The following NEK10 variants were observed in gnomAD, a reference collection of about 807,000 sequenced individuals.
The protein encoded by NEK10 is serine/threonine-protein kinase Nek10.
NEK10 carries 122 observed loss-of-function variants against 159.8 expected under a neutral mutation model. The observed-to-expected ratio is 0.76, with a 90% CI of 0.66 to 0.89. NEK10 has a LOEUF of 0.89. Among genes scored for constraint, NEK10 ranks in the 40% least tolerant of loss-of-function variants. The probability of loss-of-function intolerance (pLI) is 0.00; values close to 1 mark genes in which losing one functional copy is unlikely to be tolerated. For missense variants in NEK10, 1,342 were observed against 1,323.1 expected, an observed-to-expected ratio of 1.01 and a Z score of -0.22; for synonymous variants, 466 against 457.1, an observed-to-expected ratio of 1.02 and a Z score of -0.25.
rs55664725 is a variant in NEK10, at chr3:27,192,065, G to T, written c.2469C>A (p.Thr823=). Residue 823 remains threonine, a synonymous_variant, in exon 26 of 36, where the codon ACC becomes ACA. Transcript: ENST00000691995. ...CAGCCAGCTCATGGTGACATGTGAC[G>T]GTGTTCCGGTTGGCTTCCATAAAAT... ...QRYFMEANRN[T]VTCHHELAVL... The T allele has an allele frequency of 1.9e-5, 31 of 1,614,038 alleles. No homozygotes were observed. In the East Asian group the frequency reaches 6.7e-4, roughly 35 times the overall value.
At chr3:27,365,731 G>T (rs1052628629) in intron 1 of NEK10, among the ~76,000 whole-genome samples, 1 of 146,926 alleles carries the variant, frequency 6.8e-6, no homozygotes, top group African/African-American at 2.5e-5. Context: ...TCCTGTCTCA[G>T]CCTCCAGAGT....
intron 30 of NEK10, among the ~76,000 whole-genome samples, chr3:27,148,029 A>G (rs1389838427): frequency 1.3e-5 from 2 of 152,250 alleles, no homozygotes; most frequent in Admixed American, 6.5e-5. Flanking sequence ...ATAAGTAGTT[A>G]TATAAACAGA....
chr3:27,303,298 T>C (rs552548026), intron 12 of NEK10, among the ~76,000 whole-genome samples: 1 of 152,274 alleles, frequency 6.6e-6, no homozygotes, highest in African/African-American at 2.4e-5. Context: ...CAATTCTATA[T>C]GAGAAAAAGG....
chr3:27,346,740 C>A (rs1053598359), intron 3 of NEK10, among the ~76,000 whole-genome samples: 1 of 152,190 alleles, frequency 6.6e-6, no homozygotes, highest in Non-Finnish European at 1.5e-5. Context: ...CAGGTGTACA[C>A]ACTATTTTCC....
chr3:27,197,775 G>T (rs1949684552), intron 25 of NEK10, among the ~76,000 whole-genome samples: 1 of 150,324 alleles, frequency 6.7e-6, no homozygotes, highest in African/African-American at 2.5e-5. Context: ...TTGCCTGACT[G>T]CTCTGACCAG....
intron 20 of NEK10, among the ~76,000 whole-genome samples, chr3:27,285,834 C>A (rs1472949532): frequency 6.6e-6 from 1 of 152,080 alleles, no homozygotes. Context: ...ACACACAGAT[C>A]CATACCATTC....
At chr3:27,111,912 T>C (rs989572415) in intron 35 of NEK10, among the ~76,000 whole-genome samples, 8 of 152,210 alleles carry the variant, frequency 5.3e-5, no homozygotes, top group African/African-American at 1.7e-4. Context: ...CATACAACCA[T>C]GCAAATGATC....
chr3:27,295,700 TA>T lies in NEK10; in HGVS notation c.1231-11del. ...TATATACACCATTTTCCTGAAAGAA[TA>T]AAGGGGTCATACTATGAGTGACAAC... On this transcript the variant is annotated splice_polypyrimidine_tract_variant and intron_variant, in intron 14 of 35. Coordinates refer to ENST00000691995, the MANE Select transcript of NEK10 (RefSeq NM_001394966.1). The T allele has an allele frequency of 6.4e-7, 1 of 1,560,344 alleles. No homozygotes were observed.
chr3:27,234,287 TA>T (rs1953660379), intron 23 of NEK10, among the ~76,000 whole-genome samples: 1 of 151,950 alleles, frequency 6.6e-6, no homozygotes, highest in Non-Finnish European at 1.5e-5. Context: ...GAGAAAGTAA[TA>T]AAGGATGTTC....
intron 23 of NEK10, chr3:27,255,213 T>C (rs1956053258): frequency 6.6e-6 from 2 of 302,284 alleles, no homozygotes; most frequent in Non-Finnish European, 1.4e-5. Flanking sequence ...TCAGCCTTAC[T>C]GTTAAGAGGA....
At chr3:27,301,867 T>C in intron 12 of NEK10, 32 bp from the exon 13 acceptor site, 1 of 1,525,930 alleles carries the variant, frequency 6.6e-7, no homozygotes, top group Non-Finnish European at 8.9e-7. Context: ...ATAGACCATT[T>C]ATCAATTTCC....
intron 29 of NEK10, among the ~76,000 whole-genome samples, chr3:27,169,161 T>A (rs185852011): frequency 6.6e-6 from 1 of 152,210 alleles, no homozygotes; most frequent in African/African-American, 2.4e-5. Context: ...CATTTTAACA[T>A]AAAACTCACT....
intron 5 of NEK10, among the ~76,000 whole-genome samples, chr3:27,338,983 C>T (rs185357431): frequency 2.4e-4 from 36 of 152,214 alleles, no homozygotes; most frequent in Admixed American, 2.0e-3. Flanking sequence ...GCAAAGGAAG[C>T]AATCAAGAGA....
chr3:27,202,281 G>T (rs372572711), intron 24 of NEK10, 147 bp downstream of exon 24: 3 of 564,474 alleles, frequency 5.3e-6, no homozygotes, highest in Non-Finnish European at 8.3e-6. Flanking sequence ...AGAAGAAAGC[G>T]GAAAAAATAA....
chr3:27,213,376 T>C (rs1450503218), intron 23 of NEK10, among the ~76,000 whole-genome samples: 1 of 152,222 alleles, frequency 6.6e-6, no homozygotes, highest in Non-Finnish European at 1.5e-5. Context: ...ACCTCTGACA[T>C]GACAACAAGC....
In NEK10 at chr3:27,141,402, C is replaced by T. The variant is rs953232600; in HGVS notation, c.2970+80G>A. On this transcript the variant is annotated intron_variant, in intron 31 of 35. Coordinates refer to ENST00000691995, the MANE Select transcript of NEK10 (RefSeq NM_001394966.1). ...TAAGAACAAGAATTCAATCTAAAGTCCTCCAAAATAGTTCTTCAGCAATAT... is the reference window on the plus strand; with the variant it reads ...TAAGAACAAGAATTCAATCTAAAGTTCTCCAAAATAGTTCTTCAGCAATAT... The T allele has an allele frequency of 6.7e-5, 69 of 1,027,896 alleles. No homozygotes were observed. The African/African-American group carries it at 1.0e-3, about 15-fold the overall frequency. The allele number at this position is 1,027,896 out of a possible 1,614,324, so 63.7% of individuals were successfully genotyped here.
intron 30 of NEK10, among the ~76,000 whole-genome samples, chr3:27,158,322 A>G (rs1271192045): frequency 2.0e-5 from 3 of 152,202 alleles, no homozygotes; most frequent in Non-Finnish European, 4.4e-5. Context: ...GCTATGCAAC[A>G]TAATAAAAGA....
At chr3:27,224,505 C>T (rs1952427926) in intron 23 of NEK10, among the ~76,000 whole-genome samples, 1 of 152,220 alleles carries the variant, frequency 6.6e-6, no homozygotes, top group East Asian at 1.9e-4. Flanking sequence ...AATTATTCTT[C>T]CTTCCCTCCC....
At chr3:27,227,395 C>A (rs1306372346) in intron 23 of NEK10, among the ~76,000 whole-genome samples, 1 of 152,174 alleles carries the variant, frequency 6.6e-6, no homozygotes, top group South Asian at 2.1e-4. Context: ...CCAGCTTCTC[C>A]GCGAAGTAGG....
Sources: allele counts gnomAD v4.1 joint callset (sites outside exome capture counted in the v4.1 genomes callset), GRCh38; gene constraint gnomAD v4.1.1; transcripts MANE v1.5; gene names NCBI Gene and HGNC (gene_info 2026-07-23, HGNC 2026-07-21).